The following NDUFA1 variants were observed in gnomAD, a reference collection of about 807,000 sequenced individuals.
The protein encoded by NDUFA1 is NADH dehydrogenase [ubiquinone] 1 alpha subcomplex subunit 1.
For synonymous variants in NDUFA1, 21 were observed against 20.0 expected, an observed-to-expected ratio of 1.05 and a Z score of -0.14; for missense variants, 42 against 56.0, an observed-to-expected ratio of 0.75 and a Z score of 0.80.
intron 2 of NDUFA1, among the ~76,000 whole-genome samples, chrX:119,874,712 A>C (rs1166139303): frequency 8.1e-5 from 9 of 110,484 alleles, no homozygotes; most frequent in African/African-American, 3.0e-4. Context: ...ACCTGCCACC[A>C]TGCCCAGCTA....
Position 119,876,573 on chromosome X carries a change from T to C in NDUFA1, c.*39T>C, listed in dbSNP as rs762854803. On this transcript the variant is annotated 3_prime_UTR_variant, in exon 3 of 3. Transcript: ENST00000371437. ...TGATTGATGAAAAAAATAACTCAGT[T>C]ATGGCCATCTACCCCTGCTAGAAGG... 1 of 1,146,815 alleles carries C rather than the reference T, an allele frequency of 8.7e-7. No individual in the cohort carries two copies. The highest frequency in any genetic ancestry group is 1.8e-5 in the South Asian group (1 of 55,511). 94.5% of individuals were successfully genotyped at this position (1,146,815 alleles called of 1,213,427 possible). A position where few individuals can be genotyped will look rare whatever the true frequency, so the allele number is the denominator to read the frequency against.
At chrX:119,873,749 G>A (rs1467435810) in intron 2 of NDUFA1, among the ~76,000 whole-genome samples, 1 of 110,429 alleles carries the variant, frequency 9.1e-6, no homozygotes, top group African/African-American at 3.3e-5. Context: ...TTTTCATCAG[G>A]TAGTTCTAAA....
At position 119,873,062 on chromosome X, in the gene NDUFA1, A is replaced by T. The variant is rs7059910; in HGVS notation, c.103-242A>T. 1.9e-3 allele frequency among the ~76,000 whole-genome samples: 200 copies of T among 102,652 alleles called. 1 individual carries two copies. The highest frequency in any genetic ancestry group is 6.2e-3 in the African/African-American group (172 of 27,691). 89.1% of individuals were successfully genotyped at this position (102,652 alleles called of 115,157 possible). A position where few individuals can be genotyped will look rare whatever the true frequency, so the allele number is the denominator to read the frequency against. On this transcript the variant is annotated intron_variant, in intron 1 of 2. Transcript: ENST00000371437. ...AGATATTTCTTTTTTTTTTTTTTTA[A>T]AAAAAAAGGAAAAAAAATTCATGTT...
chrX:119,872,842 A>G (rs912170233), intron 1 of NDUFA1, among the ~76,000 whole-genome samples: 1 of 109,063 alleles, frequency 9.2e-6, no homozygotes, highest in Non-Finnish European at 1.9e-5. Flanking sequence ...TTTATTCCCC[A>G]CTTTCTCTTG....
chrX:119,876,405 G>A, intron 2 of NDUFA1, 109 bp from the exon 3 acceptor site: 2 of 775,900 alleles, frequency 2.6e-6, no homozygotes, highest in Non-Finnish European at 4.0e-6. Flanking sequence ...GGATGTGGAA[G>A]CACTCTTTTT....
chrX:119,874,909 C>T (rs1175079841), intron 2 of NDUFA1, among the ~76,000 whole-genome samples: 3 of 112,163 alleles, frequency 2.7e-5, no homozygotes, highest in Non-Finnish European at 5.6e-5. Context: ...CATTCTCATA[C>T]TTCTTTTAAA....
At chrX:119,872,117 C>T (rs1477004452) in intron 1 of NDUFA1, 104 bp downstream of exon 1, 11 of 805,188 alleles carry the variant, frequency 1.4e-5, no homozygotes, top group Non-Finnish European at 2.1e-5. Flanking sequence ...GAGGTCGGCC[C>T]TCTACTTGCT....
intron 1 of NDUFA1, 45 bp from the exon 2 acceptor site, chrX:119,873,259 C>A: frequency 9.9e-7 from 1 of 1,005,843 alleles, no homozygotes; most frequent in Non-Finnish European, 1.4e-6. Context: ...TCAATTGGGT[C>A]ACTCACTTTT....
chrX:119,874,828 T>G (rs1323501739), intron 2 of NDUFA1, among the ~76,000 whole-genome samples: 2 of 112,237 alleles, frequency 1.8e-5, no homozygotes, highest in Non-Finnish European at 3.8e-5. Context: ...CCTCCCAAAG[T>G]GTTAGGATTA....
At position 119,871,872 on chromosome X, in the gene NDUFA1, G is replaced by A. The variant is rs569041143; in HGVS notation, c.-40G>A. ...AGGCGAAGCCAGGTCACCTTTCAAG[G>A]ACCCAGAAGTAGGGTTTTGGCCTAG... On this transcript the variant is annotated 5_prime_UTR_variant, in exon 1 of 3. Coordinates refer to ENST00000371437, the MANE Select transcript of NDUFA1 (RefSeq NM_004541.4). The A allele has an allele frequency of 6.5e-5, 77 of 1,184,525 alleles. 1 individual carries two copies. The South Asian group carries it at 1.2e-3, about 18-fold the overall frequency.
rs762694685 is a variant in NDUFA1 at position 119,871,879 on chromosome X, A to C, written c.-33A>C. 212 of 1,190,002 alleles carry C rather than the reference A, an allele frequency of 1.8e-4. 1 individual carries two copies. In the Middle Eastern group the frequency reaches 7.4e-3, roughly 42 times the overall value. On this transcript the variant is annotated 5_prime_UTR_variant, in exon 1 of 3. Coordinates refer to ENST00000371437, the MANE Select transcript of NDUFA1 (RefSeq NM_004541.4). ...GCCAGGTCACCTTTCAAGGACCCAG[A>C]AGTAGGGTTTTGGCCTAGGTAACGG...
intron 1 of NDUFA1, 88 bp downstream of exon 1, chrX:119,872,101 C>G: frequency 5.3e-6 from 5 of 949,227 alleles, no homozygotes; most frequent in Non-Finnish European, 7.6e-6. Flanking sequence ...TGCGAACCCT[C>G]TCTCCGAGGT....
chrX:119,876,416 A>T, intron 2 of NDUFA1, 98 bp from the exon 3 acceptor site: 1 of 906,418 alleles, frequency 1.1e-6, no homozygotes, highest in Non-Finnish European at 1.6e-6. Context: ...CACTCTTTTT[A>T]ATAACAATGC....
In NDUFA1 at chrX:119,876,502, A is replaced by T. The variant is rs772347538; in HGVS notation, c.193-12A>T. On this transcript the variant is annotated splice_polypyrimidine_tract_variant and intron_variant, in intron 2 of 2. Coordinates refer to ENST00000371437, the MANE Select transcript of NDUFA1 (RefSeq NM_004541.4). ...AGACTTGTCACATTCTCCTTTTTAA[A>T]CTGTTTTTCAGGGTTTGGAGAACAT... The T allele has an allele frequency of 3.3e-6, 4 of 1,209,079 alleles. No homozygotes were observed. The Admixed American group carries it at 8.7e-5, about 26-fold the overall frequency.
chrX:119,872,164 C>T (rs914155919), intron 1 of NDUFA1, 151 bp downstream of exon 1: 2 of 546,750 alleles, frequency 3.7e-6, no homozygotes, highest in Admixed American at 2.8e-5. Context: ...CGAAACGAAG[C>T]CCGATAGAAA....
intron 1 of NDUFA1, among the ~76,000 whole-genome samples, chrX:119,872,375 T>C (rs1382883289): frequency 9.1e-6 from 1 of 110,455 alleles, no homozygotes; most frequent in Non-Finnish European, 1.9e-5. Flanking sequence ...CCCAGCACTT[T>C]GGGAGACCGA....
At chrX:119,873,060 T>TAAA (rs57808963) in intron 1 of NDUFA1, among the ~76,000 whole-genome samples, 1 of 100,580 alleles carries the variant, frequency 9.9e-6, no homozygotes, top group Non-Finnish European at 2.0e-5. Context: ...TTTTTTTTTT[T>TAAA]AAAAAAAAAG....
intron 2 of NDUFA1, among the ~76,000 whole-genome samples, chrX:119,875,449 C>G (rs1461930755): frequency 9.4e-6 from 1 of 106,882 alleles, no homozygotes; most frequent in African/African-American, 3.4e-5. Context: ...CTCAGCCTCA[C>G]GAGTAGCTGG....
chrX:119,871,857 A>C lies in NDUFA1; in HGVS notation c.-55A>C, dbSNP rs747442716. 298 of 1,166,242 alleles carry C rather than the reference A, an allele frequency of 2.6e-4. 1 individual carries two copies. In the Middle Eastern group the frequency reaches 2.8e-3, roughly 11 times the overall value. ...GCTTGCTGGGAAGAGAGGCGAAGCC[A>C]GGTCACCTTTCAAGGACCCAGAAGT... On this transcript the variant is annotated 5_prime_UTR_variant, in exon 1 of 3. Coordinates refer to ENST00000371437, the MANE Select transcript of NDUFA1 (RefSeq NM_004541.4).
Sources: gnomAD v4.1 joint callset for allele counts (sites outside exome capture counted in the v4.1 genomes callset) on GRCh38, gnomAD v4.1.1 for gene constraint, MANE v1.5 for transcripts, NCBI Gene and HGNC (gene_info 2026-07-23, HGNC 2026-07-21) for gene names.